The following MYO6 variants were observed in gnomAD, a reference collection of about 807,000 sequenced individuals.
The protein encoded by MYO6 is unconventional myosin-VI.
In MYO6, 74 loss-of-function variants were observed where a neutral mutation model predicts 178.7. The observed-to-expected ratio is 0.41, with a 90% CI of 0.34 to 0.50. The LOEUF is 0.50. Among genes scored for constraint, MYO6 ranks in the 20% least tolerant of loss-of-function variants. MYO6 has a pLI of 0.09. For missense variants in MYO6, 1,330 were observed against 1,547.4 expected, an observed-to-expected ratio of 0.86 and a Z score of 2.36; for synonymous variants, 477 against 504.6, an observed-to-expected ratio of 0.95 and a Z score of 0.73.
chr6:75,895,731 T>TG (rs1223788308), intron 29 of MYO6, among the ~76,000 whole-genome samples: 1 of 152,114 alleles, frequency 6.6e-6, no homozygotes, highest in African/African-American at 2.4e-5. Flanking sequence ...TTGGCCAGGA[T>TG]GGTCTCAATC....
intron 23 of MYO6, among the ~76,000 whole-genome samples, 192 bp downstream of exon 23, chr6:75,882,010 C>G (rs1468401162): frequency 6.6e-6 from 1 of 152,042 alleles, no homozygotes; most frequent in African/African-American, 2.4e-5. Flanking sequence ...TTTCTTTATT[C>G]AAATGTGTTA....
intron 12 of MYO6, among the ~76,000 whole-genome samples, chr6:75,855,940 C>G (rs1339232337): frequency 6.6e-6 from 1 of 152,060 alleles, no homozygotes; most frequent in Non-Finnish European, 1.5e-5. Context: ...GCAGTGAGCT[C>G]TAGTGACATA....
At position 75,884,898 on chromosome 6, in the gene MYO6, C is replaced by G. The variant is rs80264867; in HGVS notation, c.2417-1106C>G. On this transcript the variant is annotated intron_variant, in intron 23 of 34. Coordinates refer to ENST00000369977, the MANE Select transcript of MYO6 (RefSeq NM_004999.4). ...CAATTTGAGGAGGTTCAGATTCATG[C>G]AGCTGGAGGCTGTGTGGCTCCTAAA... Among the ~76,000 whole-genome samples the G allele has an allele frequency of 2.7e-3, 415 of 152,304 alleles. 3 individuals carry two copies. The highest frequency in any genetic ancestry group is 9.3e-3 in the African/African-American group (386 of 41,562).
intron 28 of MYO6, chr6:75,894,789 A>T (rs1305879406): frequency 6.7e-7 from 1 of 1,502,804 alleles, no homozygotes; most frequent in East Asian, 2.5e-5. Context: ...CTGCTTCAAT[A>T]AGCAATTTTA....
intron 11 of MYO6, among the ~76,000 whole-genome samples, chr6:75,849,647 G>T (rs1345067894): frequency 6.6e-6 from 1 of 152,164 alleles, no homozygotes; most frequent in Non-Finnish European, 1.5e-5. Flanking sequence ...ACAGTACAAA[G>T]CTTTCACAGT....
intron 15 of MYO6, among the ~76,000 whole-genome samples, chr6:75,862,107 A>G (rs1442944198): frequency 1.3e-5 from 2 of 152,222 alleles, no homozygotes; most frequent in African/African-American, 4.8e-5. Context: ...AGCAGTTTAC[A>G]TTTTATAGTT....
chr6:75,880,261 C>T (rs1351331548), intron 22 of MYO6, 141 bp downstream of exon 22: 1 of 700,682 alleles, frequency 1.4e-6, no homozygotes, highest in Non-Finnish European at 2.4e-6. Flanking sequence ...TTTTCCATAC[C>T]ATTTCTCAGA....
chr6:75,907,788 G>GTGTA, intron 31 of MYO6, 80 bp downstream of exon 31: 1 of 890,636 alleles, frequency 1.1e-6, no homozygotes, highest in Non-Finnish European at 1.8e-6. Context: ...TGAGGTGTGT[G>GTGTA]TGTGTATGTG....
intron 1 of MYO6, among the ~76,000 whole-genome samples, chr6:75,809,374 A>G (rs913839921): frequency 6.6e-6 from 1 of 152,210 alleles, no homozygotes; most frequent in African/African-American, 2.4e-5. Context: ...CTGACTTAAC[A>G]GGATTTTTGC....
chr6:75,793,266 T>A (rs1364341848), intron 1 of MYO6, among the ~76,000 whole-genome samples: 1 of 152,164 alleles, frequency 6.6e-6, no homozygotes, highest in Non-Finnish European at 1.5e-5. Flanking sequence ...TAAGTTACAA[T>A]TCTTATATAA....
chr6:75,913,954 T>A, intron 33 of MYO6, 109 bp from the exon 34 acceptor site: 2 of 846,660 alleles, frequency 2.4e-6, no homozygotes, highest in South Asian at 1.6e-5. Context: ...AAATTTACTA[T>A]TAGGGACCTT....
Position 75,777,705 on chromosome 6 carries a change from A to G in MYO6, c.-48+28282A>G, listed in dbSNP as rs546620235. On this transcript the variant is annotated intron_variant, in intron 1 of 34. Transcript: ENST00000369977. Reference sequence around the variant, plus strand: ...GCCCCCTGTGGCCTCCCAAAGTGCTAGAATTACAGGCATAAACCACTGCAC... The same window carrying G: ...GCCCCCTGTGGCCTCCCAAAGTGCTGGAATTACAGGCATAAACCACTGCAC... Among the ~76,000 whole-genome samples the G allele has an allele frequency of 4.6e-3, 702 of 152,190 alleles. 10 individuals carry two copies. Among genetic ancestry groups the G allele is most frequent in the African/African-American group, 0.016 (680 of 41,542 alleles).
At chr6:75,774,948 C>G (rs1204940514) in intron 1 of MYO6, among the ~76,000 whole-genome samples, 4 of 152,008 alleles carry the variant, frequency 2.6e-5, no homozygotes, top group African/African-American at 4.8e-5. Context: ...CACATGCCAC[C>G]ACACCTGGCT....
chr6:75,779,243 T>C (rs921377830), intron 1 of MYO6, among the ~76,000 whole-genome samples: 1 of 152,044 alleles, frequency 6.6e-6, no homozygotes, highest in Non-Finnish European at 1.5e-5. Context: ...GTCTCACACC[T>C]ATAATCCTAG....
chr6:75,827,343 G>C (rs886535394), intron 3 of MYO6, among the ~76,000 whole-genome samples: 1 of 152,172 alleles, frequency 6.6e-6, no homozygotes, highest in Non-Finnish European at 1.5e-5. Flanking sequence ...CTACATGGAA[G>C]CCGATAGATG....
rs567642803 is a variant in MYO6 at position 75,895,742 on chromosome 6, T to G, written c.3137+482T>G. Among the ~76,000 whole-genome samples the G allele has an allele frequency of 2.0e-5, 3 of 152,244 alleles. No homozygotes were observed. The East Asian group carries it at 5.8e-4, about 29-fold the overall frequency. Reference sequence around the variant, plus strand: ...CATGTTGGCCAGGATGGTCTCAATCTCTTGACCTCGTGATCCACCCGCCTC... The same window carrying G: ...CATGTTGGCCAGGATGGTCTCAATCGCTTGACCTCGTGATCCACCCGCCTC... On this transcript the variant is annotated intron_variant, in intron 29 of 34. Transcript: ENST00000369977.
chr6:75,784,538 C>T (rs1767314163), intron 1 of MYO6, among the ~76,000 whole-genome samples: 2 of 151,580 alleles, frequency 1.3e-5, no homozygotes, highest in South Asian at 4.2e-4. Context: ...CTTTGGGAGG[C>T]CGAGGTGGGC....
chr6:75,754,391 GTGCCTGTAATCCCAGC>G (rs1486187810), intron 1 of MYO6, among the ~76,000 whole-genome samples: 1 of 151,490 alleles, frequency 6.6e-6, no homozygotes, highest in African/African-American at 2.4e-5. Context: ...GTGGTGGTGG[GTGCCTGTAATCCCAGC>G]TACTTGGGAG....
intron 23 of MYO6, among the ~76,000 whole-genome samples, chr6:75,882,708 A>G (rs1014066193): frequency 4.0e-5 from 5 of 125,264 alleles, no homozygotes; most frequent in African/African-American, 7.9e-5. Context: ...TTTCACAATA[A>G]AATAGGCAAT....
Sources: allele counts gnomAD v4.1 joint callset (sites outside exome capture counted in the v4.1 genomes callset), GRCh38; gene constraint gnomAD v4.1.1; transcripts MANE v1.5; gene names NCBI Gene and HGNC (gene_info 2026-07-23, HGNC 2026-07-21).